The following GPR149 variants were observed in gnomAD, a reference collection of about 807,000 sequenced individuals.
GPR149 encodes the protein G protein-coupled receptor 149, also known as probable G protein-coupled receptor 149.
A neutral mutation model predicts 50.2 loss-of-function variants in GPR149; 50 were observed. The observed-to-expected ratio is 1.00, with a 90% CI of 0.79 to 1.26. GPR149 has a LOEUF of 1.26. GPR149 is among the 50% of genes most tolerant of loss of function. The pLI is 0.00. For missense variants in GPR149, 983 were observed against 895.4 expected (o/e 1.10, Z -1.25); for synonymous variants, 405 against 358.2 (o/e 1.13, Z -1.48).
At chr3:154,427,030 A>G (rs1344559276) in intron 2 of GPR149, among the ~76,000 whole-genome samples, 1 of 152,024 alleles carries the variant, frequency 6.6e-6, no homozygotes, top group African/African-American at 2.4e-5. Context: ...AAACAACAAA[A>G]ATGCCTTTCT....
intron 3 of GPR149, among the ~76,000 whole-genome samples, chr3:154,407,683 G>A: frequency 2.2e-5 from 1 of 45,696 alleles, no homozygotes; most frequent in East Asian, 6.3e-4. Flanking sequence ...GTGTGTATAT[G>A]TCATGTGTAT....
intron 3 of GPR149, among the ~76,000 whole-genome samples, chr3:154,359,915 A>G (rs545772085): frequency 5.6e-4 from 86 of 152,348 alleles, no homozygotes; most frequent in African/African-American, 2.0e-3. Flanking sequence ...GGTGGAAGGT[A>G]GTCCAATCAC....
chr3:154,340,778 A>G (rs896189894), intron 3 of GPR149, among the ~76,000 whole-genome samples: 1 of 152,044 alleles, frequency 6.6e-6, no homozygotes, highest in African/African-American at 2.4e-5. Flanking sequence ...CTGGAGCGCA[A>G]TGGCGCCGTC....
chr3:154,416,431 T>A (rs1366089165), intron 3 of GPR149, among the ~76,000 whole-genome samples: 1 of 151,820 alleles, frequency 6.6e-6, no homozygotes, highest in Non-Finnish European at 1.5e-5. Context: ...ATCTGCATTT[T>A]AATAAGATAC....
intron 3 of GPR149, among the ~76,000 whole-genome samples, chr3:154,356,145 C>A (rs1294886003): frequency 1.3e-5 from 2 of 152,194 alleles, no homozygotes; most frequent in East Asian, 3.8e-4. Flanking sequence ...GTTTGTACAA[C>A]TTGGTAAACT....
intron 3 of GPR149, among the ~76,000 whole-genome samples, chr3:154,360,679 C>T (rs1714357775): frequency 6.6e-6 from 1 of 152,092 alleles, no homozygotes; most frequent in African/African-American, 2.4e-5. Flanking sequence ...GATACTACTC[C>T]AGGGATCGGA....
chr3:154,353,588 A>G, intron 3 of GPR149: 3 of 1,138,080 alleles, frequency 2.6e-6, no homozygotes, highest in Non-Finnish European at 4.0e-6. Flanking sequence ...TTTGGCTTTG[A>G]TATGGTATTG....
intron 3 of GPR149, among the ~76,000 whole-genome samples, chr3:154,368,329 G>GT (rs1559976480): frequency 6.6e-6 from 1 of 152,190 alleles, no homozygotes; most frequent in African/African-American, 2.4e-5. Context: ...AATTTTTGGG[G>GT]TAGTGCCCAG....
At chr3:154,348,671 CCT>C (rs765922168) in intron 3 of GPR149, among the ~76,000 whole-genome samples, 7 of 152,038 alleles carry the variant, frequency 4.6e-5, no homozygotes, top group South Asian at 4.1e-4. Flanking sequence ...GACTTCAACC[CCT>C]CTCTCGCAAC....
chr3:154,355,927 A>G (rs1368637582), intron 3 of GPR149, among the ~76,000 whole-genome samples: 1 of 152,234 alleles, frequency 6.6e-6, no homozygotes, highest in Non-Finnish European at 1.5e-5. Context: ...TACATTGATG[A>G]TATTCATGTA....
chr3:154,397,494 AATT>A (rs1358421058), intron 3 of GPR149, among the ~76,000 whole-genome samples: 2 of 152,216 alleles, frequency 1.3e-5, no homozygotes, highest in Non-Finnish European at 2.9e-5. Context: ...ACTTAAACTG[AATT>A]ATATGAAAAA....
intron 3 of GPR149, among the ~76,000 whole-genome samples, chr3:154,361,976 A>C (rs901535665): frequency 6.6e-6 from 1 of 152,150 alleles, no homozygotes; most frequent in Non-Finnish European, 1.5e-5. Flanking sequence ...GGAAGCCAAA[A>C]TTTATATTTG....
intron 3 of GPR149, among the ~76,000 whole-genome samples, chr3:154,410,504 G>C (rs575503108): frequency 6.6e-6 from 1 of 151,762 alleles, no homozygotes; most frequent in African/African-American, 2.4e-5. Flanking sequence ...AACACGTAAG[G>C]ATTCACATGG....
intron 3 of GPR149, among the ~76,000 whole-genome samples, chr3:154,401,009 C>T (rs986703022): frequency 2.5e-4 from 38 of 152,220 alleles, no homozygotes; most frequent in Middle Eastern, 3.4e-3. Context: ...ATGACGAATG[C>T]GTTTGAGTCC....
chr3:154,348,236 T>C (rs772393436), intron 3 of GPR149, among the ~76,000 whole-genome samples: 2 of 152,210 alleles, frequency 1.3e-5, no homozygotes, highest in Non-Finnish European at 2.9e-5. Context: ...CTACAATCTT[T>C]ATCTCTGAAT....
intron 3 of GPR149, among the ~76,000 whole-genome samples, chr3:154,419,077 C>T (rs963141499): frequency 5.3e-5 from 8 of 151,990 alleles, no homozygotes; most frequent in Non-Finnish European, 1.2e-4. Flanking sequence ...TATTATCCAT[C>T]TTTTACCACT....
chr3:154,382,110 T>C (rs754088996), intron 3 of GPR149, among the ~76,000 whole-genome samples: 12 of 152,200 alleles, frequency 7.9e-5, no homozygotes, highest in Non-Finnish European at 1.5e-4. Flanking sequence ...CCCCTTTGCA[T>C]GATTATGAGA....
chr3:154,370,211 C>A (rs1714631980), intron 3 of GPR149, among the ~76,000 whole-genome samples: 1 of 152,166 alleles, frequency 6.6e-6, no homozygotes, highest in Non-Finnish European at 1.5e-5. Context: ...AAATTTATCA[C>A]CCAATCAGTG....
intron 3 of GPR149, among the ~76,000 whole-genome samples, chr3:154,391,666 G>C (rs971686209): frequency 1.3e-5 from 2 of 151,566 alleles, no homozygotes; most frequent in African/African-American, 4.8e-5. Context: ...TAGCTGAATG[G>C]ATGAAAAAAA....
Sources: gnomAD v4.1 joint callset for allele counts (sites outside exome capture counted in the v4.1 genomes callset) on GRCh38, gnomAD v4.1.1 for gene constraint, MANE v1.5 for transcripts, NCBI Gene and HGNC (gene_info 2026-07-23, HGNC 2026-07-21) for gene names.